The following NLGN1 variants were observed in gnomAD, a reference collection of about 807,000 sequenced individuals.
NLGN1 encodes the protein neuroligin 1.
Under a neutral mutation model 65.5 loss-of-function variants are expected in NLGN1, and 12 were observed. That is an observed-to-expected ratio of 0.18 (90% CI 0.12 to 0.30). The LOEUF (loss-of-function observed/expected upper bound fraction) is 0.30. Ranked by LOEUF, NLGN1 falls within the 10% of genes least tolerant of loss-of-function variation. The pLI is 1.00. For missense variants in NLGN1, 750 were observed against 1,007.1 expected (o/e 0.74, Z 3.46); for synonymous variants, 350 against 359.5 (o/e 0.97, Z 0.30).
intron 4 of NLGN1, among the ~76,000 whole-genome samples, chr3:174,262,034 C>A (rs1747028160): frequency 7.3e-6 from 1 of 136,452 alleles, no homozygotes; most frequent in African/African-American, 2.9e-5. Context: ...GGGATGAAGC[C>A]CACTTGATCA....
chr3:173,585,863 T>C (rs1747349857), intron 2 of NLGN1, among the ~76,000 whole-genome samples: 1 of 152,198 alleles, frequency 6.6e-6, no homozygotes, highest in Non-Finnish European at 1.5e-5. Context: ...TTTAAGAATT[T>C]TGTAGCTCCC....
chr3:173,954,061 T>C (rs2152333761), intron 4 of NLGN1, among the ~76,000 whole-genome samples: 1 of 152,166 alleles, frequency 6.6e-6, no homozygotes, highest in East Asian at 1.9e-4. Context: ...CTACAAATGG[T>C]AAATATGGAA....
chr3:174,002,513 T>G (rs1297318506), intron 4 of NLGN1, among the ~76,000 whole-genome samples: 2 of 152,214 alleles, frequency 1.3e-5, no homozygotes, highest in African/African-American at 4.8e-5. Context: ...GTAATCCATA[T>G]TTTTTAACAC....
chr3:173,987,145 T>C (rs1387832893), intron 4 of NLGN1, among the ~76,000 whole-genome samples: 1 of 152,176 alleles, frequency 6.6e-6, no homozygotes, highest in Non-Finnish European at 1.5e-5. Context: ...AAAATTGAAG[T>C]GAATCTTCCC....
intron 3 of NLGN1, among the ~76,000 whole-genome samples, chr3:173,688,924 T>G (rs1765056949): frequency 1.3e-5 from 2 of 152,124 alleles, no homozygotes; most frequent in South Asian, 4.1e-4. Flanking sequence ...AAAGTTGGGT[T>G]TTTCTGTTTT....
chr3:174,279,013 C>A lies in NLGN1; in HGVS notation c.1012C>A (p.Pro338Thr). The A allele has an allele frequency of 6.2e-7, 1 of 1,601,752 alleles. No homozygotes were observed. Among genetic ancestry groups the A allele is most frequent in the Non-Finnish European group, 8.5e-7 (1 of 1,174,474 alleles). The change falls in exon 6 of 7, where the codon CCT becomes ACT. Residue 338 changes from proline to threonine, a missense_variant. By Grantham distance (38) the Pro-to-Thr change is conservative (BLOSUM62 -1). Coordinates refer to ENST00000457714, the Ensembl canonical transcript of NLGN1. The surrounding 1 kb of genome is among the most constrained non-coding windows in gnomAD (Gnocchi z 4.7). ...GTTAGTGGAATGCCTACAGAAGAAG[C>A]CTTACAAAGAACTTGTTGACCAAGA...
chr3:173,897,024 G>A (rs971039961), intron 4 of NLGN1, among the ~76,000 whole-genome samples: 2 of 152,032 alleles, frequency 1.3e-5, no homozygotes, highest in Admixed American at 6.6e-5. Flanking sequence ...ACCTGTTTCC[G>A]GGGTCCCAAA....
intron 2 of NLGN1, among the ~76,000 whole-genome samples, chr3:173,472,734 A>C (rs919480580): frequency 1.3e-5 from 2 of 152,190 alleles, no homozygotes; most frequent in African/African-American, 2.4e-5. Context: ...TCATGAGGAC[A>C]CAAGTGCTTG....
chr3:174,141,963 C>T (rs922190441), intron 4 of NLGN1, among the ~76,000 whole-genome samples: 10 of 152,066 alleles, frequency 6.6e-5, no homozygotes, highest in East Asian at 3.8e-4. Context: ...CCAAAACACA[C>T]GGCTTCTTAA....
intron 3 of NLGN1, among the ~76,000 whole-genome samples, chr3:173,665,229 T>C (rs1006980697): frequency 5.3e-5 from 8 of 152,134 alleles, no homozygotes; most frequent in Non-Finnish European, 2.9e-5. Flanking sequence ...GTTGCTCTCA[T>C]GACAGTGAGT....
intron 4 of NLGN1, among the ~76,000 whole-genome samples, chr3:174,091,818 G>A (rs1561021637): frequency 6.6e-6 from 1 of 152,022 alleles, no homozygotes; most frequent in Non-Finnish European, 1.5e-5. Flanking sequence ...CTAATTAGTG[G>A]CTCCGCTGCC....
At chr3:173,539,597 A>ATT (rs1356638273) in intron 2 of NLGN1, among the ~76,000 whole-genome samples, 1 of 126,230 alleles carries the variant, frequency 7.9e-6, no homozygotes, top group East Asian at 2.7e-4. Flanking sequence ...TATGTTATAT[A>ATT]ATATATGTAT....
intron 4 of NLGN1, among the ~76,000 whole-genome samples, chr3:173,819,029 A>G (rs1376802607): frequency 1.3e-5 from 2 of 151,042 alleles, no homozygotes; most frequent in African/African-American, 2.4e-5. Flanking sequence ...TCATATGCCA[A>G]GACATCTTGT....
chr3:173,855,518 T>A (rs1727784498), intron 4 of NLGN1, among the ~76,000 whole-genome samples: 1 of 152,104 alleles, frequency 6.6e-6, no homozygotes, highest in African/African-American at 2.4e-5. Flanking sequence ...ACATTAATTT[T>A]AGATGCCTCT....
intron 3 of NLGN1, among the ~76,000 whole-genome samples, chr3:173,724,306 C>T (rs551489729): frequency 3.9e-5 from 6 of 152,314 alleles, no homozygotes; most frequent in Middle Eastern, 3.4e-3. Context: ...GACGGAGTCT[C>T]GCTCTGTTGC....
intron 3 of NLGN1, among the ~76,000 whole-genome samples, chr3:173,783,026 T>C (rs917923316): frequency 3.9e-5 from 6 of 151,970 alleles, no homozygotes; most frequent in African/African-American, 1.5e-4. Flanking sequence ...ATATGTATAA[T>C]TTATAATTGC....
intron 4 of NLGN1, among the ~76,000 whole-genome samples, chr3:174,260,952 C>T (rs1193949117): frequency 2.0e-5 from 3 of 150,738 alleles, no homozygotes; most frequent in African/African-American, 4.9e-5. Flanking sequence ...ATCCTTTCCC[C>T]ATTGCTTGTT....
chr3:173,449,618 T>C (rs1447397381), intron 2 of NLGN1, among the ~76,000 whole-genome samples: 1 of 152,202 alleles, frequency 6.6e-6, no homozygotes, highest in Admixed American at 6.5e-5. Flanking sequence ...TGGATATCCT[T>C]GTTAACTTTC....
chr3:173,711,082 T>C (rs1435928910), intron 3 of NLGN1, among the ~76,000 whole-genome samples: 1 of 152,180 alleles, frequency 6.6e-6, no homozygotes, highest in Non-Finnish European at 1.5e-5. Flanking sequence ...AGATCCATAA[T>C]TGGTCATATT....
Sources: gnomAD v4.1 joint callset for allele counts (sites outside exome capture counted in the v4.1 genomes callset) on GRCh38, gnomAD v4.1.1 for gene constraint, Gnocchi (gnomAD v3.1) non-coding constraint, MANE v1.5 for transcripts, NCBI Gene and HGNC (gene_info 2026-07-23, HGNC 2026-07-21) for gene names.